Variants in SHMT2 observed in about 807,000 individuals in gnomAD.
The protein encoded by SHMT2 is serine hydroxymethyltransferase, mitochondrial.
In SHMT2, 38 loss-of-function variants were observed where a neutral mutation model predicts 59.6. The ratio of observed to expected loss-of-function variants is 0.64; its 90% CI spans 0.49 to 0.84. The LOEUF (loss-of-function observed/expected upper bound fraction) is 0.84, where lower values mean the gene tolerates loss of function less well. Ranked by LOEUF, SHMT2 falls within the 40% of genes least tolerant of loss-of-function variation. SHMT2 has a pLI of 0.00. For synonymous variants in SHMT2, 254 were observed against 258.1 expected (o/e 0.98, Z 0.15); for missense variants, 533 against 659.5 (o/e 0.81, Z 2.10).
rs1326517219 is a variant in SHMT2, at chr12:57,230,933, A to T, written c.164A>T (p.Glu55Val). ...GAGAGCCTGTCGGACAGTGATCCTG[A>T]GATGTGGGAGTTGCTGCAGAGGGAG... ...GQESLSDSDP[E>V]MWELLQREKD... Residue 55 changes from glutamate to valine, a missense_variant, in exon 2 of 12, where the codon GAG becomes GTG. Glu to Val is a moderately radical substitution (Grantham distance 121). Transcript: ENST00000328923. 6.2e-7 allele frequency: 1 copy of T among 1,613,872 alleles called. No homozygotes were observed. Among genetic ancestry groups the T allele is most frequent in the Non-Finnish European group, 8.5e-7 (1 of 1,179,974 alleles).
chr12:57,230,077 G>A (rs1384051197), intron 1 of SHMT2: 3 of 1,383,868 alleles, frequency 2.2e-6, no homozygotes, highest in Admixed American at 3.1e-5. Context: ...GGACAGCCCC[G>A]GATGCCCCGC....
In SHMT2 at chr12:57,233,780, C is replaced by T. The variant is rs1273994701; in HGVS notation, c.1155C>T (p.Asp385=). 6 of 1,614,246 alleles carry T rather than the reference C, an allele frequency of 3.7e-6. No homozygotes were observed. The highest frequency in any genetic ancestry group is 5.1e-6 in the Non-Finnish European group (6 of 1,180,036). ...GGTDNHLVLV[D]LRPKGLDGAR... ...CTGACAACCACCTGGTGCTGGTGGACCTGCGGCCCAAGGGCCTGGATGGAG... is the reference window on the plus strand; with the variant it reads ...CTGACAACCACCTGGTGCTGGTGGATCTGCGGCCCAAGGGCCTGGATGGAG... Residue 385 remains aspartate, a synonymous_variant, in exon 10 of 12, where the codon GAC becomes GAT. Coordinates refer to ENST00000328923, the MANE Select transcript of SHMT2 (RefSeq NM_005412.6).
At position 57,234,341 on chromosome 12, in the gene SHMT2, C is replaced by T; in HGVS notation, c.1495C>T (p.Pro499Ser). Reference sequence around the variant, plus strand: ...GCAGTTTGCCAGGGCCTTCCCCATGCCTGGTTTTGATGAGCATTGAAGGCA... The same window carrying T: ...GCAGTTTGCCAGGGCCTTCCCCATGTCTGGTTTTGATGAGCATTGAAGGCA... ...VEQFARAFPMPGFDEH is the reference protein window; with the variant it reads ...VEQFARAFPMSGFDEH The change falls in exon 12 of 12, where the codon CCT becomes TCT. Residue 499 changes from proline to serine, a missense_variant. Coordinates refer to ENST00000328923, the MANE Select transcript of SHMT2 (RefSeq NM_005412.6). The T allele has an allele frequency of 6.2e-7, 1 of 1,606,948 alleles. No individual in the cohort carries two copies. The highest frequency in any genetic ancestry group is 1.7e-5 in the Admixed American group (1 of 58,608).
chr12:57,232,663 G>A, intron 6 of SHMT2, 41 bp from the exon 7 acceptor site: 2 of 1,607,984 alleles, frequency 1.2e-6, no homozygotes, highest in Non-Finnish European at 1.7e-6. Flanking sequence ...GGCCTCTCCG[G>A]GCCCTCCCCA....
rs200170997 is a variant in SHMT2 at position 57,233,147 on chromosome 12, A to G, written c.858-33A>G. 5 of 1,513,052 alleles carry G rather than the reference A, an allele frequency of 3.3e-6. No individual in the cohort carries two copies. In the African/African-American group the frequency reaches 4.2e-5, roughly 13 times the overall value. The allele number at this position is 1,513,052 out of a possible 1,614,324, so 93.7% of individuals were successfully genotyped here. On this transcript the variant is annotated intron_variant, in intron 7 of 11. Transcript: ENST00000328923. ...TTCTCTGTCCCTTGTCCTTCTTTTC[A>G]GCTTAGACTCTGACCATCCACCTCT... is the stretch of plus-strand genomic sequence containing the variant.
At position 57,232,280 on chromosome 12, in the gene SHMT2, C is replaced by A. The variant is rs148193095; in HGVS notation, c.582C>A (p.Pro194=). Residue 194 remains proline (P), a synonymous_variant, in exon 5 of 12, where the codon CCC becomes CCA. Transcript: ENST00000328923. ...SATSIFFESM[P]YKLNPKTGLI... ...CGTCCATCTTCTTCGAGTCTATGCC[C>A]TATAAGCTCAACGTGAGTGCTCTAG... is the stretch of plus-strand genomic sequence containing the variant. The A allele has an allele frequency of 2.4e-4, 386 of 1,614,062 alleles. No homozygotes were observed. The highest frequency in any genetic ancestry group is 3.0e-4 in the Non-Finnish European group (358 of 1,179,932).
Position 57,233,347 on chromosome 12 carries a change from T to C in SHMT2, c.1023+2T>C, listed in dbSNP as rs1249263477. On this transcript the variant is annotated splice_donor_variant, in intron 8 of 11. Coordinates refer to ENST00000328923, the MANE Select transcript of SHMT2 (RefSeq NM_005412.6). LOFTEE classifies it high-confidence loss of function. ...GCAGTAGCTGTGGCCCTAAAGCAGG[T>C]TGGGGATCCTGTCTTTGTAGGGTGT... 6.3e-7 allele frequency: 1 copy of C among 1,590,326 alleles called. No individual in the cohort carries two copies. The highest frequency in any genetic ancestry group is 1.8e-5 in the Admixed American group (1 of 55,276).
chr12:57,232,988 C>T, intron 7 of SHMT2, 145 bp downstream of exon 7: 2 of 1,290,632 alleles, frequency 1.5e-6, no homozygotes, highest in East Asian at 2.5e-5. Flanking sequence ...CCTTCTCTTG[C>T]CCATGGTGGC....
In SHMT2 at chr12:57,230,859, C is replaced by A. The variant is rs771968637; in HGVS notation, c.90C>A (p.Asn30Lys). Residue 30 changes from asparagine (N) to lysine (K), a missense_variant, in exon 2 of 12, where the codon AAC becomes AAA. Coordinates refer to ENST00000328923, the MANE Select transcript of SHMT2 (RefSeq NM_005412.6). ...TGGCCATTCGGGCTCAGCACAGCAA[C>A]GCAGCCCAGACTCAGACTGGGGAAG... ...VRMAIRAQHSNAAQTQTGEAN... is the reference protein window; with the variant it reads ...VRMAIRAQHSKAAQTQTGEAN... 5.0e-6 allele frequency: 8 copies of A among 1,614,006 alleles called. No individual in the cohort carries two copies. In the Admixed American group the frequency reaches 1.0e-4, roughly 20 times the overall value.
Position 57,234,237 on chromosome 12 carries a change from A to G in SHMT2, c.1391A>G (p.Lys464Arg). 4 of 1,612,208 alleles carry G rather than the reference A, an allele frequency of 2.5e-6. No individual in the cohort carries two copies. Among genetic ancestry groups the G allele is most frequent in the Non-Finnish European group, 3.4e-6 (4 of 1,178,756 alleles). ...TTTCCTCACCCTCTCTCTCTAGCCA[A>G]GCTCCAGGATTTCAAATCCTTCCTG... ...IGLEVKSKTA[K>R]LQDFKSFLLK... Residue 464 changes from lysine (K) to arginine (R), a missense_variant, in exon 12 of 12, where the codon AAG becomes AGG. Lys to Arg is a conservative substitution (Grantham distance 26). Coordinates refer to ENST00000328923, the MANE Select transcript of SHMT2 (RefSeq NM_005412.6).
rs1476041431 is a variant in SHMT2, at chr12:57,233,557, C to T, written c.1024-6C>T. ...AGGGTGACAGCTGCTACTGTCTCAT[C>T]TCCAGGCCTGCACCCCCATGTTCCG... On this transcript the variant is annotated splice_region_variant and splice_polypyrimidine_tract_variant and intron_variant, in intron 8 of 11. Transcript: ENST00000328923. 6.8e-6 allele frequency: 11 copies of T among 1,611,656 alleles called. No homozygotes were observed. The highest frequency in any genetic ancestry group is 8.5e-6 in the Non-Finnish European group (10 of 1,178,710).
At position 57,234,375 on chromosome 12, in the gene SHMT2, A is replaced by G; in HGVS notation, c.*14A>G. 2 of 1,569,504 alleles carry G rather than the reference A, an allele frequency of 1.3e-6. No individual in the cohort carries two copies. The highest frequency in any genetic ancestry group is 1.7e-6 in the Non-Finnish European group (2 of 1,157,854). On this transcript the variant is annotated 3_prime_UTR_variant, in exon 12 of 12. Transcript: ENST00000328923. ...GATGAGCATTGAAGGCACCTGGGAA[A>G]TGAGGCCCACAGACTCAAAGTTACT...
chr12:57,231,959 G>A, intron 4 of SHMT2, 46 bp downstream of exon 4: 1 of 1,557,728 alleles, frequency 6.4e-7, no homozygotes, highest in Non-Finnish European at 8.7e-7. Flanking sequence ...CAGGATTGGT[G>A]TGGGAAAGGA....
Position 57,232,147 on chromosome 12 carries a change from G to A in SHMT2, c.513-64G>A, listed in dbSNP as rs1592683382. 4 of 1,427,550 alleles carry A rather than the reference G, an allele frequency of 2.8e-6. No homozygotes were observed. In the East Asian group the frequency reaches 9.1e-5, roughly 32 times the overall value. The allele number at this position is 1,427,550 out of a possible 1,614,324, so 88.4% of individuals were successfully genotyped here. A position where few individuals can be genotyped will look rare whatever the true frequency, so the allele number is the denominator to read the frequency against. ...TCTGGGGACAGAGAACTGTGGAGTTGAAGGGAGTGGTTAAGTCCGGGGGTC... is the reference window on the plus strand; with the variant it reads ...TCTGGGGACAGAGAACTGTGGAGTTAAAGGGAGTGGTTAAGTCCGGGGGTC... On this transcript the variant is annotated intron_variant, in intron 4 of 11. Transcript: ENST00000328923.
chr12:57,232,127 G>C (rs992586240), intron 4 of SHMT2, 84 bp from the exon 5 acceptor site: 2 of 1,313,878 alleles, frequency 1.5e-6, no homozygotes, highest in African/African-American at 2.9e-5. Flanking sequence ...GGTGTTCTGG[G>C]GACAGAGAAC....
chr12:57,230,346 C>T, intron 1 of SHMT2: 1 of 1,138,904 alleles, frequency 8.8e-7, no homozygotes, highest in Non-Finnish European at 1.1e-6. Context: ...CTAAAGGTCT[C>T]CCCTCCCACC....
At chr12:57,230,710 A>G (rs2037277996) in intron 1 of SHMT2, 93 bp from the exon 2 acceptor site, 5 of 1,513,562 alleles carry the variant, frequency 3.3e-6, no homozygotes, top group Middle Eastern at 2.1e-4. Flanking sequence ...GACAACTGGC[A>G]GCTTGGTGTG....
chr12:57,233,180 G>C lies in SHMT2; in HGVS notation c.858G>C (p.Arg286Ser). 6.4e-7 allele frequency: 1 copy of C among 1,556,166 alleles called. No homozygotes were observed. Among genetic ancestry groups the C allele is most frequent in the Non-Finnish European group, 8.7e-7 (1 of 1,149,250 alleles). ...CTCTGACCATCCACCTCTCACACAGGTCAGGGCTCATCTTCTACCGGAAAG... is the reference window on the plus strand; with the variant it reads ...CTCTGACCATCCACCTCTCACACAGCTCAGGGCTCATCTTCTACCGGAAAG... The part of the protein sequence containing the change: ...TTTHKTLRGA[R>S]SGLIFYRKGV... Residue 286 changes from arginine (R) to serine (S), a missense_variant and splice_region_variant, in exon 8 of 12, where the codon AGG becomes AGC. Physicochemically the swap from Arg to Ser is moderately radical, Grantham distance 110 (BLOSUM62 -1). Coordinates refer to ENST00000328923, the MANE Select transcript of SHMT2 (RefSeq NM_005412.6).
At chr12:57,231,061 A>T in intron 2 of SHMT2, 61 bp downstream of exon 2, 1 of 1,496,536 alleles carries the variant, frequency 6.7e-7, no homozygotes, top group Non-Finnish European at 9.3e-7. Flanking sequence ...TAACAAAGTT[A>T]TCTTAACTGA....
Sources: allele counts gnomAD v4.1 joint callset, GRCh38; gene constraint gnomAD v4.1.1; transcripts MANE v1.5; gene names NCBI Gene and HGNC (gene_info 2026-07-23, HGNC 2026-07-21).